The following SCAPER variants were observed in gnomAD, a reference collection of about 807,000 sequenced individuals.
SCAPER encodes S phase cyclin A-associated protein in the endoplasmic reticulum.
Under a neutral mutation model 182.2 loss-of-function variants are expected in SCAPER, and 98 were observed. The observed-to-expected ratio is 0.54, with a 90% CI of 0.46 to 0.64. The LOEUF (loss-of-function observed/expected upper bound fraction) is 0.64, where lower values mean the gene tolerates loss of function less well. Ranked by LOEUF, SCAPER falls within the 30% of genes least tolerant of loss-of-function variation. SCAPER has a pLI of 0.00. For synonymous variants in SCAPER, 605 were observed against 564.6 expected, an observed-to-expected ratio of 1.07 and a Z score of -1.01; for missense variants, 1,432 against 1,690.0, an observed-to-expected ratio of 0.85 and a Z score of 2.68.
chr15:76,883,401 C>T (rs900160211), intron 2 of SCAPER, among the ~76,000 whole-genome samples: 5 of 152,192 alleles, frequency 3.3e-5, no homozygotes, highest in African/African-American at 1.2e-4. Context: ...AATTTCACAT[C>T]GGTCCCCATA....
chr15:76,734,087 T>C (rs537741326), intron 15 of SCAPER, among the ~76,000 whole-genome samples: 1 of 152,338 alleles, frequency 6.6e-6, no homozygotes, highest in Non-Finnish European at 1.5e-5. Context: ...GTTATTCTAA[T>C]GAGTTTGAAA....
rs571343795 is a variant in SCAPER, at chr15:76,713,774, T to TATA, written c.2166-7793_2166-7791dup. On this transcript the variant is annotated intron_variant, in intron 17 of 31. Transcript: ENST00000563290. Reference sequence around the variant, plus strand: ...TGCACATGTACCCTAAAACTTAAAGTATAATAATAATAAAATAAATTTTAA... The same window carrying TATA: ...TGCACATGTACCCTAAAACTTAAAGTATAATAATAATAATAAAATAAATTTTAA... Among the ~76,000 whole-genome samples the TATA allele has an allele frequency of 3.4e-3, 524 of 152,006 alleles. 4 individuals are homozygous for TATA. The highest frequency in any genetic ancestry group is 0.012 in the African/African-American group (486 of 41,444).
intron 14 of SCAPER, among the ~76,000 whole-genome samples, chr15:76,760,482 C>A (rs1392720208): frequency 6.6e-6 from 1 of 152,198 alleles, no homozygotes; most frequent in Non-Finnish European, 1.5e-5. Context: ...TTTAACAACC[C>A]AGAAGCTCCC....
At chr15:76,567,182 AAG>A (rs1411327530) in intron 23 of SCAPER, 2 of 277,360 alleles carry the variant, frequency 7.2e-6, no homozygotes, top group Non-Finnish European at 1.4e-5. Context: ...TTTCACTAAA[AAG>A]AGTTTGTGAG....
chr15:76,814,162 C>T (rs2066890023), intron 5 of SCAPER, among the ~76,000 whole-genome samples: 1 of 151,238 alleles, frequency 6.6e-6, no homozygotes, highest in Non-Finnish European at 1.5e-5. Flanking sequence ...AGCGAGACTC[C>T]ATCTCAAAAA....
chr15:76,580,664 A>G (rs2048203461), intron 22 of SCAPER, among the ~76,000 whole-genome samples: 1 of 152,200 alleles, frequency 6.6e-6, no homozygotes, highest in Non-Finnish European at 1.5e-5. Context: ...CAGTGAAAGC[A>G]GTACTAAGAG....
At chr15:76,809,993 T>A (rs1233411206) in intron 5 of SCAPER, among the ~76,000 whole-genome samples, 1 of 152,020 alleles carries the variant, frequency 6.6e-6, no homozygotes, top group Non-Finnish European at 1.5e-5. Flanking sequence ...GCCAAGAAAA[T>A]TATACCCAGA....
intron 23 of SCAPER, among the ~76,000 whole-genome samples, chr15:76,533,475 G>C (rs1297946263): frequency 3.3e-5 from 5 of 152,020 alleles, no homozygotes; most frequent in Non-Finnish European, 7.4e-5. Flanking sequence ...TGTACCCTAG[G>C]AGCAATAGAG....
intron 26 of SCAPER, among the ~76,000 whole-genome samples, chr15:76,407,833 G>A (rs914609148): frequency 6.6e-6 from 1 of 152,072 alleles, no homozygotes; most frequent in Non-Finnish European, 1.5e-5. Flanking sequence ...AAATACCCAT[G>A]CATTCATCAC....
At chr15:76,659,549 C>A (rs932126971) in intron 21 of SCAPER, among the ~76,000 whole-genome samples, 1 of 152,128 alleles carries the variant, frequency 6.6e-6, no homozygotes, top group Non-Finnish European at 1.5e-5. Flanking sequence ...GGATTGTAGG[C>A]GCGAGCCACC....
intron 22 of SCAPER, among the ~76,000 whole-genome samples, chr15:76,605,068 G>C (rs2050260369): frequency 6.6e-6 from 1 of 152,174 alleles, no homozygotes; most frequent in South Asian, 2.1e-4. Context: ...TGTTGAATAG[G>C]AGTGGTGAGA....
chr15:76,901,689 G>A (rs944897978), intron 1 of SCAPER, among the ~76,000 whole-genome samples: 3 of 151,394 alleles, frequency 2.0e-5, no homozygotes, highest in Non-Finnish European at 4.4e-5. Flanking sequence ...TCATGTCATA[G>A]AAGAAAAAGT....
intron 21 of SCAPER, among the ~76,000 whole-genome samples, chr15:76,661,667 TAAGTC>T (rs2056180892): frequency 6.6e-6 from 1 of 151,910 alleles, no homozygotes; most frequent in South Asian, 2.1e-4. Context: ...CGATTACTAA[TAAGTC>T]AAGAAAAAAA....
intron 21 of SCAPER, among the ~76,000 whole-genome samples, chr15:76,662,738 A>T (rs2056293161): frequency 6.6e-6 from 1 of 152,144 alleles, no homozygotes. Context: ...CTTTTCAAAA[A>T]TGGTAGTAGA....
intron 29 of SCAPER, among the ~76,000 whole-genome samples, chr15:76,372,610 C>G (rs184275831): frequency 4.7e-4 from 71 of 152,244 alleles, no homozygotes; most frequent in African/African-American, 1.6e-3. Flanking sequence ...AAGTTTTAAA[C>G]CATCCTTAAT....
intron 24 of SCAPER, among the ~76,000 whole-genome samples, chr15:76,474,216 G>A (rs2050436159): frequency 6.6e-6 from 1 of 152,128 alleles, no homozygotes; most frequent in Non-Finnish European, 1.5e-5. Context: ...AATCTTTATG[G>A]GCAATTTTGA....
At chr15:76,828,132 C>T (rs1045449152) in intron 5 of SCAPER, among the ~76,000 whole-genome samples, 2 of 151,818 alleles carry the variant, frequency 1.3e-5, no homozygotes, top group African/African-American at 2.4e-5. Context: ...CAGAGAGTCC[C>T]CACCAGCAAG....
At chr15:76,712,952 C>T (rs1333784616) in intron 17 of SCAPER, among the ~76,000 whole-genome samples, 11 of 152,278 alleles carry the variant, frequency 7.2e-5, no homozygotes, top group East Asian at 5.8e-4. Context: ...TCTGACTGCC[C>T]TGGCCAGAAC....
intron 26 of SCAPER, 140 bp from the exon 27 acceptor site, chr15:76,404,819 G>C: frequency 1.5e-6 from 1 of 661,756 alleles, no homozygotes; most frequent in Admixed American, 3.8e-5. Flanking sequence ...AGCATCTCAA[G>C]TAACAATTTC....
Sources: gnomAD v4.1 joint callset for allele counts (sites outside exome capture counted in the v4.1 genomes callset) on GRCh38, gnomAD v4.1.1 for gene constraint, MANE v1.5 for transcripts, NCBI Gene and HGNC (gene_info 2026-07-23, HGNC 2026-07-21) for gene names.